The following PTPRD variants were observed in gnomAD, a reference collection of about 807,000 sequenced individuals.
PTPRD encodes the protein protein tyrosine phosphatase receptor type D.
A neutral mutation model predicts 214.5 loss-of-function variants in PTPRD; 34 were observed. That is an observed-to-expected ratio of 0.16 (90% CI 0.12 to 0.21). The LOEUF (loss-of-function observed/expected upper bound fraction) is 0.21, where lower values mean the gene tolerates loss of function less well. Ranked by LOEUF, PTPRD falls within the 10% of genes least tolerant of loss-of-function variation. The pLI, the probability that PTPRD is intolerant of heterozygous loss-of-function variation, is 1.00. For synonymous variants in PTPRD, 1,128 were observed against 845.7 expected, an observed-to-expected ratio of 1.33 and a Z score of -5.79; for missense variants, 2,545 against 2,398.7, an observed-to-expected ratio of 1.06 and a Z score of -1.27.
At chr9:8,573,645 TG>T (rs1416230058) in intron 14 of PTPRD, among the ~76,000 whole-genome samples, 1 of 151,990 alleles carries the variant, frequency 6.6e-6, no homozygotes, top group Non-Finnish European at 1.5e-5. Flanking sequence ...AGCCTGCCTT[TG>T]TTTCATTTCC....
chr9:8,639,504 C>A (rs367686899), intron 12 of PTPRD, among the ~76,000 whole-genome samples: 1 of 152,138 alleles, frequency 6.6e-6, no homozygotes, highest in African/African-American at 2.4e-5. Context: ...TCTGAAATTT[C>A]TTGCAAGAAC....
intron 11 of PTPRD, among the ~76,000 whole-genome samples, chr9:8,972,502 A>T (rs979647733): frequency 3.3e-5 from 5 of 151,912 alleles, no homozygotes; most frequent in Admixed American, 6.6e-5. Context: ...AAAAGAAGAA[A>T]GGGAAGAGGA....
At chr9:9,220,275 A>T (rs1305724731) in intron 9 of PTPRD, among the ~76,000 whole-genome samples, 2 of 148,240 alleles carry the variant, frequency 1.3e-5, no homozygotes, top group African/African-American at 5.0e-5. Flanking sequence ...CCTATGGGGT[A>T]ACCATTCTTT....
At chr9:9,955,242 T>A (rs541024074) in intron 4 of PTPRD, among the ~76,000 whole-genome samples, 89 of 152,232 alleles carry the variant, frequency 5.8e-4, no homozygotes, top group African/African-American at 2.0e-3. Context: ...GAATAATGCA[T>A]GAATGAGTGA....
At chr9:10,482,350 G>C (rs1042381441) in intron 2 of PTPRD, among the ~76,000 whole-genome samples, 1 of 151,902 alleles carries the variant, frequency 6.6e-6, no homozygotes, top group Non-Finnish European at 1.5e-5. Context: ...CAGCCTGGGC[G>C]ACAGAGCAAG....
intron 14 of PTPRD, among the ~76,000 whole-genome samples, chr9:8,591,215 A>G (rs1003646874): frequency 6.6e-6 from 1 of 152,196 alleles, no homozygotes; most frequent in Non-Finnish European, 1.5e-5. Flanking sequence ...TGCATCTGCA[A>G]CCTTAATTTC....
intron 11 of PTPRD, among the ~76,000 whole-genome samples, chr9:8,834,747 C>T (rs1453857382): frequency 6.6e-6 from 1 of 152,188 alleles, no homozygotes; most frequent in Non-Finnish European, 1.5e-5. Context: ...CAGACCAAAA[C>T]AATGAGCTGG....
intron 3 of PTPRD, among the ~76,000 whole-genome samples, chr9:10,318,008 G>T (rs986299977): frequency 6.6e-6 from 1 of 151,830 alleles, no homozygotes; most frequent in Non-Finnish European, 1.5e-5. Context: ...TAACTATTTA[G>T]TCATTTTACA....
chr9:9,347,743 T>C (rs1006909463), intron 9 of PTPRD, among the ~76,000 whole-genome samples: 6 of 152,272 alleles, frequency 3.9e-5, no homozygotes, highest in African/African-American at 7.2e-5. Flanking sequence ...GTTATAATGG[T>C]ATTCTTATGA....
chr9:10,110,351 G>T (rs1361827891), intron 3 of PTPRD, among the ~76,000 whole-genome samples: 1 of 152,116 alleles, frequency 6.6e-6, no homozygotes, highest in Non-Finnish European at 1.5e-5. Flanking sequence ...TGTGTCTTAG[G>T]TTCGGTCCTT....
intron 8 of PTPRD, among the ~76,000 whole-genome samples, chr9:9,497,553 G>C (rs1394089524): frequency 6.6e-6 from 1 of 152,120 alleles, no homozygotes; most frequent in Non-Finnish European, 1.5e-5. Context: ...ATTAAAATAA[G>C]GGTGTTTACG....
chr9:10,168,616 G>A (rs961493852), intron 3 of PTPRD, among the ~76,000 whole-genome samples: 1 of 152,030 alleles, frequency 6.6e-6, no homozygotes, highest in African/African-American at 2.4e-5. Flanking sequence ...ATTTAAAAAA[G>A]AAAGAAAATG....
intron 4 of PTPRD, among the ~76,000 whole-genome samples, chr9:9,988,451 G>A (rs2095798214): frequency 6.6e-6 from 1 of 152,154 alleles, no homozygotes; most frequent in East Asian, 1.9e-4. Flanking sequence ...TGATTTCCTT[G>A]AAGACAACAG....
At chr9:9,664,088 T>TAAAAAAAAAAAAAAAAAAAAAAAAAAA (rs71319290) in intron 7 of PTPRD, among the ~76,000 whole-genome samples, 1 of 114,536 alleles carries the variant, frequency 8.7e-6, no homozygotes, top group Non-Finnish European at 1.8e-5. Context: ...CACTCCTGTG[T>TAAAAAAAAAAAAAAAAAAAAAAAAAAA]AAAAAAAAAA....
intron 30 of PTPRD, among the ~76,000 whole-genome samples, chr9:8,477,210 C>T (rs1050009934): frequency 2.0e-5 from 3 of 151,912 alleles, no homozygotes; most frequent in Non-Finnish European, 2.9e-5. Flanking sequence ...CTGCCTCAAG[C>T]CTGGAGTTTA....
At chr9:9,886,450 A>G (rs2070954928) in intron 5 of PTPRD, among the ~76,000 whole-genome samples, 1 of 152,132 alleles carries the variant, frequency 6.6e-6, no homozygotes. Context: ...GGAGGTTTAA[A>G]AGGAGAGTCC....
intron 5 of PTPRD, among the ~76,000 whole-genome samples, chr9:9,819,613 G>A (rs1372869882): frequency 6.6e-6 from 1 of 152,074 alleles, no homozygotes; most frequent in Admixed American, 6.6e-5. Context: ...CTATCACCCA[G>A]GTACTGAGCA....
At chr9:10,349,661 A>G (rs2097149445) in intron 2 of PTPRD, among the ~76,000 whole-genome samples, 1 of 152,210 alleles carries the variant, frequency 6.6e-6, no homozygotes, top group Admixed American at 6.5e-5. Flanking sequence ...TTTTCATTTC[A>G]TAATATCTGT....
At chr9:9,875,056 G>T (rs938242589) in intron 5 of PTPRD, among the ~76,000 whole-genome samples, 1 of 152,024 alleles carries the variant, frequency 6.6e-6, no homozygotes, top group Admixed American at 6.6e-5. Flanking sequence ...GAACACAATG[G>T]ATAAGTTTTA....
Sources: allele counts gnomAD v4.1 joint callset (sites outside exome capture counted in the v4.1 genomes callset), GRCh38; gene constraint gnomAD v4.1.1; transcripts MANE v1.5; gene names NCBI Gene and HGNC (gene_info 2026-07-23, HGNC 2026-07-21).